The following TM4SF1 variants were observed in gnomAD, a reference collection of about 807,000 sequenced individuals.
The protein encoded by TM4SF1 is transmembrane 4 L six family member 1, also known as transmembrane 4 L6 family member 1.
Under a neutral mutation model 24.5 loss-of-function variants are expected in TM4SF1, and 20 were observed. The observed-to-expected ratio is 0.82, with a 90% CI of 0.57 to 1.19. The LOEUF (loss-of-function observed/expected upper bound fraction) is 1.19. Ranked by LOEUF, TM4SF1 falls within the 50% of genes most tolerant of loss-of-function variation. TM4SF1 has a pLI of 0.00. For synonymous variants in TM4SF1, 107 were observed against 95.4 expected (o/e 1.12, Z -0.71); for missense variants, 258 against 248.1 (o/e 1.04, Z -0.27).
chr3:149,374,029 T>G (rs1280942519), intron 3 of TM4SF1, among the ~76,000 whole-genome samples: 1 of 152,248 alleles, frequency 6.6e-6, no homozygotes, highest in Non-Finnish European at 1.5e-5. Flanking sequence ...TTCAAACTTC[T>G]GTAAGTATCA....
intron 1 of TM4SF1, among the ~76,000 whole-genome samples, chr3:149,376,774 A>G (rs993920024): frequency 1.3e-5 from 2 of 152,138 alleles, no homozygotes; most frequent in African/African-American, 4.8e-5. Flanking sequence ...AATTCCTCTC[A>G]CTTCAATCAA....
intron 3 of TM4SF1, 71 bp from the exon 4 acceptor site, chr3:149,371,938 T>C: frequency 1.4e-6 from 2 of 1,456,860 alleles, no homozygotes; most frequent in East Asian, 4.8e-5. Flanking sequence ...TACTTTTGTT[T>C]GGTGGTTTTT....
intron 1 of TM4SF1, among the ~76,000 whole-genome samples, chr3:149,376,422 A>C (rs1319533005): frequency 2.6e-5 from 4 of 152,198 alleles, no homozygotes; most frequent in Non-Finnish European, 5.9e-5. Context: ...TAATCCCAGC[A>C]CTTTGGGAGG....
intron 4 of TM4SF1, 23 bp downstream of exon 4, chr3:149,371,664 G>A (rs764719036): frequency 4.3e-6 from 7 of 1,613,652 alleles, no homozygotes; most frequent in Middle Eastern, 1.6e-4. Flanking sequence ...GCCAGACTAC[G>A]ACATTTTCAT....
chr3:149,372,013 C>A (rs1731835142), intron 3 of TM4SF1, 146 bp from the exon 4 acceptor site: 1 of 716,070 alleles, frequency 1.4e-6, no homozygotes, highest in African/African-American at 1.8e-5. Context: ...CATGTCATTC[C>A]ACAAAATGGA....
chr3:149,370,936 T>C (rs1011527696), intron 4 of TM4SF1: 2 of 152,144 alleles, frequency 1.3e-5, no homozygotes, highest in East Asian at 1.9e-4. Context: ...AATTCAATAA[T>C]ATATATATTT....
In TM4SF1 at chr3:149,369,878, T is replaced by A; in HGVS notation, c.597A>T (p.Gln199His). 1 of 1,604,802 alleles carries A rather than the reference T, an allele frequency of 6.2e-7. No individual in the cohort carries two copies. Among genetic ancestry groups the A allele is most frequent in the Non-Finnish European group, 8.5e-7 (1 of 1,177,482 alleles). ...ICGFCCSHQQ[Q>H]YDC ...TGGGTTGGTTCTTTTAGCAGTCATA[T>A]TGCTGTAGAGAAAATAAAATACCAT... The change falls in exon 5 of 5, where the codon CAA (glutamine) becomes CAT (histidine). Residue 199 changes from glutamine to histidine, a missense_variant and splice_region_variant. Gln to His is a conservative substitution (Grantham distance 24). Coordinates refer to ENST00000305366, the MANE Select transcript of TM4SF1 (RefSeq NM_014220.3).
chr3:149,377,537 C>A lies in TM4SF1; in HGVS notation c.11G>T (p.Gly4Val). 1 of 1,613,040 alleles carries A rather than the reference C, an allele frequency of 6.2e-7. No homozygotes were observed. The highest frequency in any genetic ancestry group is 2.2e-5 in the East Asian group (1 of 44,862). Residue 4 changes from glycine to valine, a missense_variant, in exon 1 of 5, where the codon GGG (glycine) becomes GTG (valine). Coordinates refer to ENST00000305366, the MANE Select transcript of TM4SF1 (RefSeq NM_014220.3). The part of the protein sequence containing the change: MCY[G>V]KCARCIGHSL... ...ATGTCCGATGCATCGTGCACACTTC[C>A]CATAGCACATGGTGGTCTGCTAGGT...
chr3:149,373,900 CTGTT>C (rs1304127375), intron 3 of TM4SF1, among the ~76,000 whole-genome samples: 3 of 152,122 alleles, frequency 2.0e-5, no homozygotes, highest in African/African-American at 4.8e-5. Flanking sequence ...TCTTAGAAGT[CTGTT>C]TGTGCAATAG....
Position 149,377,628 on chromosome 3 carries a change from G to T in TM4SF1, c.-81C>A. ...AAATTAGATGAAAGTGTGCCCTTCT[G>T]GTGGAGAAAGCAAACACCACTCTCA... On this transcript the variant is annotated 5_prime_UTR_variant, in exon 1 of 5. Transcript: ENST00000305366. 1 of 1,527,830 alleles carries T rather than the reference G, an allele frequency of 6.5e-7. No individual in the cohort carries two copies. The highest frequency in any genetic ancestry group is 1.3e-5 in the South Asian group (1 of 75,838). The allele number at this position is 1,527,830 out of a possible 1,614,324, so 94.6% of individuals were successfully genotyped here. A position where few individuals can be genotyped will look rare whatever the true frequency, so the allele number is the denominator to read the frequency against.
chr3:149,373,066 G>A (rs763869232), intron 3 of TM4SF1, among the ~76,000 whole-genome samples: 2 of 152,178 alleles, frequency 1.3e-5, no homozygotes, highest in African/African-American at 2.4e-5. Context: ...ACCTAGTCCA[G>A]GGAGAACAGC....
chr3:149,371,528 G>C, intron 4 of TM4SF1, 159 bp downstream of exon 4: 2 of 731,150 alleles, frequency 2.7e-6, no homozygotes, highest in Non-Finnish European at 4.6e-6. Context: ...GCTTGTTACT[G>C]ACAGCTAAAG....
At chr3:149,371,663 C>T (rs374711021) in intron 4 of TM4SF1, 24 bp downstream of exon 4, 169 of 1,613,782 alleles carry the variant, frequency 1.0e-4, no homozygotes, top group Middle Eastern at 1.6e-4. Context: ...GGCCAGACTA[C>T]GACATTTTCA....
chr3:149,369,081 T>A lies in TM4SF1; in HGVS notation c.*785A>T, dbSNP rs1464662280. ...TAGTTTTGAGGGTATTTCCTCGTGG[T>A]CCTCCTGCCGTCACTCGTCCCCATG... is the stretch of plus-strand genomic sequence containing the variant. On this transcript the variant is annotated 3_prime_UTR_variant, in exon 5 of 5. Coordinates refer to ENST00000305366, the MANE Select transcript of TM4SF1 (RefSeq NM_014220.3). The A allele has an allele frequency of 1.3e-5, 2 of 152,252 alleles. No individual in the cohort carries two copies. Among genetic ancestry groups the A allele is most frequent in the East Asian group, 3.9e-4 (2 of 5,192 alleles). 9.4% of individuals were successfully genotyped at this position (152,252 alleles called of 1,614,324 possible).
Position 149,377,380 on chromosome 3 carries a change from A to G in TM4SF1, c.168T>C (p.Gly56=), listed in dbSNP as rs775586832. 25 of 1,613,240 alleles carry G rather than the reference A, an allele frequency of 1.5e-5. No homozygotes were observed. The highest frequency in any genetic ancestry group is 1.0e-4 in the Admixed American group (6 of 59,900). The change falls in exon 1 of 5, where the codon GGT becomes GGC. Residue 56 remains glycine, a synonymous_variant. Transcript: ENST00000305366. ...ATCCTGAATGACTTACCAGCAGGCC[A>G]CCTCCTACGATGCCAGAAAAGAACC... ...FVWFFSGIVG[G]GLLMLLPAFV... is the part of the protein sequence containing the mutation.
Position 149,377,472 on chromosome 3 carries a change from T to C in TM4SF1, c.76A>G (p.Ile26Val), listed in dbSNP as rs976397753. Residue 26 changes from isoleucine (I) to valine (V), a missense_variant, in exon 1 of 5, where the codon ATT (isoleucine) becomes GTT (valine). Coordinates refer to ENST00000305366, the MANE Select transcript of TM4SF1 (RefSeq NM_014220.3). ...TCCCCATTGGGAAAGTAAAGCAAAA[T>C]ATTAGCCGCGATGCACAGGAGGGCG... ...GLALLCIAAN[I>V]LLYFPNGETK... 3 of 1,613,976 alleles carry C rather than the reference T, an allele frequency of 1.9e-6. No individual in the cohort carries two copies. Among genetic ancestry groups the C allele is most frequent in the African/African-American group, 2.7e-5 (2 of 74,890 alleles).
In TM4SF1 at chr3:149,375,545, G is replaced by C. The variant is rs1407611430; in HGVS notation, c.311C>G (p.Ser104Cys). 6.2e-7 allele frequency: 1 copy of C among 1,614,248 alleles called. No homozygotes were observed. Among genetic ancestry groups the C allele is most frequent in the Admixed American group, 1.7e-5 (1 of 60,034 alleles). ...VLAALIGIAG[S>C]GYCVIVAALG... ...GGCTGCCACAATGACACAGTAGCCA[G>C]ATCCTGCAATTCCAATGAGAGCAGC... is the stretch of plus-strand genomic sequence containing the variant. Residue 104 changes from serine to cysteine, a missense_variant, in exon 3 of 5, where the codon TCT (serine) becomes TGT (cysteine). Ser to Cys is a moderately radical substitution (Grantham distance 112, BLOSUM62 -1). Coordinates refer to ENST00000305366, the MANE Select transcript of TM4SF1 (RefSeq NM_014220.3).
At chr3:149,374,706 G>A (rs1731907071) in intron 3 of TM4SF1, among the ~76,000 whole-genome samples, 1 of 152,162 alleles carries the variant, frequency 6.6e-6, no homozygotes, top group African/African-American at 2.4e-5. Flanking sequence ...TTTTATATGA[G>A]TGTATGTATG....
At chr3:149,371,479 A>G in intron 4 of TM4SF1, 1 of 620,542 alleles carries the variant, frequency 1.6e-6, no homozygotes, top group East Asian at 2.7e-5. Context: ...GCCAACTGCA[A>G]AGAACTAAGA....
Sources: allele counts gnomAD v4.1 joint callset (sites outside exome capture counted in the v4.1 genomes callset), GRCh38; gene constraint gnomAD v4.1.1; transcripts MANE v1.5; gene names NCBI Gene and HGNC (gene_info 2026-07-23, HGNC 2026-07-21).